The following FBXW11 variants were observed in gnomAD, a reference collection of about 807,000 sequenced individuals.
The protein encoded by FBXW11 is F-box/WD repeat-containing protein 11.
A neutral mutation model predicts 77.6 loss-of-function variants in FBXW11; 19 were observed. The ratio of observed to expected loss-of-function variants is 0.24; its 90% CI spans 0.17 to 0.36. The LOEUF is 0.36. FBXW11 is among the 10% of genes least tolerant of loss of function. FBXW11 has a pLI of 1.00. For missense variants in FBXW11, 334 were observed against 704.2 expected (o/e 0.47, Z 5.95); for synonymous variants, 235 against 249.4 (o/e 0.94, Z 0.54).
chr5:172,003,669 A>G (rs1264055939), intron 1 of FBXW11, among the ~76,000 whole-genome samples: 1 of 152,216 alleles, frequency 6.6e-6, no homozygotes, highest in African/African-American at 2.4e-5. Flanking sequence ...AGGAGAAGCA[A>G]CCTGGGTGGA....
rs772522909 is a variant in FBXW11, at chr5:171,876,498, T to C, written c.1008A>G (p.Thr336=). Residue 336 remains threonine, a synonymous_variant, in exon 9 of 14, where the codon ACA becomes ACG. Coordinates refer to ENST00000517395, the MANE Select transcript of FBXW11 (RefSeq NM_001378974.1). The surrounding 1 kb of genome is among the most constrained non-coding windows in gnomAD (Gnocchi z 4.2). ...WDVNTGEVLN[T]LIHHNEAVLH... is the part of the protein sequence containing the mutation. ...ATACAGCCTCATTGTGGTGGATCAA[T>C]GTGTTAAGAACTTCACCCGTGTTCA... 6 of 1,614,174 alleles carry C rather than the reference T, an allele frequency of 3.7e-6. No individual in the cohort carries two copies. Among genetic ancestry groups the C allele is most frequent in the South Asian group, 3.3e-5 (3 of 91,082 alleles).
Position 171,875,013 on chromosome 5 carries a change from A to C in FBXW11, c.1221+1272T>G, listed in dbSNP as rs72835253. Among the ~76,000 whole-genome samples, 1,016 of 152,294 alleles carry C rather than the reference A, an allele frequency of 6.7e-3. 11 individuals are homozygous for C. The highest frequency in any genetic ancestry group is 0.011 in the Non-Finnish European group (728 of 68,014). ...AAATTAAAAACATGAAAACTTCTAC[A>C]CTAATATTTATAACAGCATCATTTG... On this transcript the variant is annotated intron_variant, in intron 9 of 13. Transcript: ENST00000517395.
At chr5:171,938,171 C>T (rs1581228406) in intron 2 of FBXW11, among the ~76,000 whole-genome samples, 1 of 152,246 alleles carries the variant, frequency 6.6e-6, no homozygotes, top group South Asian at 2.1e-4. Flanking sequence ...TATCCTCCCA[C>T]CTCAGCTTCC....
intron 7 of FBXW11, among the ~76,000 whole-genome samples, chr5:171,885,409 T>A (rs1758815208): frequency 6.6e-6 from 1 of 152,150 alleles, no homozygotes; most frequent in Non-Finnish European, 1.5e-5. Context: ...ACGGTTCAGG[T>A]TACCCTACCC....
At chr5:171,889,451 C>T (rs531120634) in intron 7 of FBXW11, among the ~76,000 whole-genome samples, 1 of 148,880 alleles carries the variant, frequency 6.7e-6, no homozygotes, top group East Asian at 2.0e-4. Context: ...TTGCTTGAAC[C>T]CAGGAGGTGG....
chr5:171,868,565 G>T (rs1384111786), intron 13 of FBXW11, 45 bp downstream of exon 13: 3 of 1,497,152 alleles, frequency 2.0e-6, no homozygotes, highest in Non-Finnish European at 2.7e-6. Context: ...CAAAGGGAAG[G>T]TGAATTCAAT....
At chr5:171,917,926 A>C (rs572366267) in intron 2 of FBXW11, among the ~76,000 whole-genome samples, 2 of 152,108 alleles carry the variant, frequency 1.3e-5, no homozygotes, top group Non-Finnish European at 2.9e-5. Context: ...AATTCATTTA[A>C]TCCAACTTTC....
At chr5:171,879,873 T>A (rs1025081064) in intron 7 of FBXW11, among the ~76,000 whole-genome samples, 1 of 152,222 alleles carries the variant, frequency 6.6e-6, no homozygotes, top group Non-Finnish European at 1.5e-5. Flanking sequence ...TTTTCTCTAG[T>A]CTGTGGCTTG....
intron 1 of FBXW11, among the ~76,000 whole-genome samples, chr5:171,985,680 T>C (rs542815724): frequency 1.3e-5 from 2 of 152,178 alleles, no homozygotes; most frequent in Admixed American, 1.3e-4. Flanking sequence ...GGTGGGAGGA[T>C]GGCTTGAGCC....
At chr5:171,954,015 A>T (rs1261066478) in intron 2 of FBXW11, among the ~76,000 whole-genome samples, 3 of 152,196 alleles carry the variant, frequency 2.0e-5, no homozygotes, top group Non-Finnish European at 4.4e-5. Flanking sequence ...CTCAAACTCA[A>T]TTCACGTGAT....
At chr5:171,913,820 C>A (rs370856256) in intron 3 of FBXW11, among the ~76,000 whole-genome samples, 8 of 81,332 alleles carry the variant, frequency 9.8e-5, no homozygotes, top group African/African-American at 4.8e-4. Context: ...CACACACATA[C>A]ACACACACAC....
intron 2 of FBXW11, among the ~76,000 whole-genome samples, chr5:171,935,241 G>A (rs908569017): frequency 6.6e-6 from 1 of 152,194 alleles, no homozygotes; most frequent in Non-Finnish European, 1.5e-5. Flanking sequence ...ACAGGCGTGA[G>A]CCACCGCGCC....
chr5:171,991,319 C>CA (rs1443856492), intron 1 of FBXW11, among the ~76,000 whole-genome samples: 1 of 152,080 alleles, frequency 6.6e-6, no homozygotes, highest in Non-Finnish European at 1.5e-5. Context: ...TAGCATACGA[C>CA]AAAAATATGC....
chr5:171,943,831 G>C (rs1042315117), intron 2 of FBXW11, among the ~76,000 whole-genome samples: 43 of 152,278 alleles, frequency 2.8e-4, no homozygotes, highest in African/African-American at 4.6e-4. Context: ...CACTTGTAAA[G>C]AGGTTTGAAT....
intron 6 of FBXW11, among the ~76,000 whole-genome samples, chr5:171,895,416 A>G (rs1351631502): frequency 6.6e-6 from 1 of 152,186 alleles, no homozygotes; most frequent in African/African-American, 2.4e-5. Flanking sequence ...GACAATGTTA[A>G]TATCAGGTTT....
intron 2 of FBXW11, among the ~76,000 whole-genome samples, chr5:171,923,907 A>G (rs374243216): frequency 1.1e-5 from 1 of 93,418 alleles, no homozygotes; most frequent in African/African-American, 4.6e-5. Flanking sequence ...GTGAAACCCC[A>G]CCTTTTTTTT....
At chr5:171,988,543 G>A (rs1765565368) in intron 1 of FBXW11, among the ~76,000 whole-genome samples, 1 of 152,138 alleles carries the variant, frequency 6.6e-6, no homozygotes, top group Non-Finnish European at 1.5e-5. Context: ...GCCTGTGGGA[G>A]TGGCAATTTA....
At chr5:171,955,943 C>T in intron 2 of FBXW11, among the ~76,000 whole-genome samples, 1 of 152,156 alleles carries the variant, frequency 6.6e-6, no homozygotes, top group East Asian at 1.9e-4. Flanking sequence ...CTCCCACTCA[C>T]CCCACCTCCA....
At chr5:171,996,299 T>C (rs1766041113) in intron 1 of FBXW11, among the ~76,000 whole-genome samples, 1 of 152,210 alleles carries the variant, frequency 6.6e-6, no homozygotes, top group Non-Finnish European at 1.5e-5. Context: ...TTACAAGCTA[T>C]TCCCTAAACA....
Sources: gnomAD v4.1 joint callset for allele counts (sites outside exome capture counted in the v4.1 genomes callset) on GRCh38, gnomAD v4.1.1 for gene constraint, Gnocchi (gnomAD v3.1) non-coding constraint, MANE v1.5 for transcripts, NCBI Gene and HGNC (gene_info 2026-07-23, HGNC 2026-07-21) for gene names.